PTPRD: variants seen among roughly 807,000 people sequenced by gnomAD.
The protein encoded by PTPRD is receptor-type tyrosine-protein phosphatase delta.
A neutral mutation model predicts 214.5 loss-of-function variants in PTPRD; 34 were observed. The ratio of observed to expected loss-of-function variants is 0.16; its 90% CI spans 0.12 to 0.21. The LOEUF (loss-of-function observed/expected upper bound fraction) is 0.21. Among genes scored for constraint, PTPRD ranks in the 10% least tolerant of loss-of-function variants. The pLI is 1.00. For synonymous variants in PTPRD, 1,128 were observed against 845.7 expected, an observed-to-expected ratio of 1.33 and a Z score of -5.79; for missense variants, 2,545 against 2,398.7, an observed-to-expected ratio of 1.06 and a Z score of -1.27.
chr9:10,352,872 C>A (rs2097205987), intron 2 of PTPRD, among the ~76,000 whole-genome samples: 1 of 151,818 alleles, frequency 6.6e-6, no homozygotes, highest in South Asian at 2.1e-4. Context: ...CCTCTCTGCC[C>A]CTCTTTAAGC....
intron 35 of PTPRD, among the ~76,000 whole-genome samples, chr9:8,431,038 A>C (rs988800699): frequency 6.6e-6 from 1 of 152,188 alleles, no homozygotes; most frequent in Non-Finnish European, 1.5e-5. Context: ...GATAATTATT[A>C]GTTCCTCCTC....
intron 8 of PTPRD, among the ~76,000 whole-genome samples, chr9:9,423,660 C>G (rs922122367): frequency 1.3e-5 from 2 of 152,086 alleles, no homozygotes; most frequent in African/African-American, 4.8e-5. Context: ...ACAGAGATAA[C>G]TGCATCAGAG....
chr9:10,143,673 G>A (rs2099003033), intron 3 of PTPRD, among the ~76,000 whole-genome samples: 1 of 152,008 alleles, frequency 6.6e-6, no homozygotes, highest in Non-Finnish European at 1.5e-5. Context: ...CATCAACAGT[G>A]GGTTGCATAA....
At chr9:10,576,688 G>A (rs1313881353) in intron 2 of PTPRD, among the ~76,000 whole-genome samples, 1 of 152,034 alleles carries the variant, frequency 6.6e-6, no homozygotes, top group Non-Finnish European at 1.5e-5. Context: ...AATAGAACCA[G>A]TGTCACAGTA....
chr9:9,583,545 C>T (rs928688018), intron 7 of PTPRD, among the ~76,000 whole-genome samples: 1 of 151,942 alleles, frequency 6.6e-6, no homozygotes, highest in African/African-American at 2.4e-5. Context: ...AATAATAATG[C>T]TCATCATAAA....
intron 9 of PTPRD, among the ~76,000 whole-genome samples, chr9:9,269,185 T>C (rs1205194257): frequency 6.6e-6 from 1 of 151,386 alleles, no homozygotes; most frequent in African/African-American, 2.4e-5. Flanking sequence ...AATAACCTTA[T>C]TTAAAAAATT....
rs183979514 is a variant in PTPRD, at chr9:9,587,827, G to A, written c.-286-13046C>T. On this transcript the variant is annotated intron_variant, in intron 7 of 45. Coordinates refer to ENST00000381196, the MANE Select transcript of PTPRD (RefSeq NM_002839.4). ...AATTGATCTCATAGAGAATAGAATG[G>A]TAAATAGTAGGGACTGGGATGGGTT... Among the ~76,000 whole-genome samples, 324 of 152,098 alleles carry A rather than the reference G, an allele frequency of 2.1e-3. 1 individual carries two copies. The highest frequency in any genetic ancestry group is 7.5e-3 in the African/African-American group (311 of 41,530).
At chr9:9,675,121 G>T (rs60114022) in intron 7 of PTPRD, among the ~76,000 whole-genome samples, 1 of 151,896 alleles carries the variant, frequency 6.6e-6, no homozygotes. Flanking sequence ...ACAATCTGAT[G>T]GCAATTACAT....
chr9:9,129,738 G>C (rs148519137), intron 10 of PTPRD, among the ~76,000 whole-genome samples: 1 of 152,152 alleles, frequency 6.6e-6, no homozygotes, highest in African/African-American at 2.4e-5. Flanking sequence ...TTATTTAACT[G>C]GAATATACTG....
intron 11 of PTPRD, among the ~76,000 whole-genome samples, chr9:8,756,747 T>G (rs1450421487): frequency 6.6e-6 from 1 of 152,106 alleles, no homozygotes; most frequent in Admixed American, 6.6e-5. Context: ...TTTTCTTTCT[T>G]TAAATATTAA....
chr9:10,269,488 C>A (rs2154381613), intron 3 of PTPRD, among the ~76,000 whole-genome samples: 1 of 152,164 alleles, frequency 6.6e-6, no homozygotes, highest in East Asian at 1.9e-4. Flanking sequence ...CATCATTATA[C>A]AACCACCTGA....
At chr9:9,097,387 T>C (rs2099785034) in intron 10 of PTPRD, among the ~76,000 whole-genome samples, 1 of 150,942 alleles carries the variant, frequency 6.6e-6, no homozygotes, top group African/African-American at 2.4e-5. Context: ...CACAGGTTAG[T>C]AGCACACCAT....
At position 10,405,190 on chromosome 9, in the gene PTPRD, T is replaced by C. The variant is rs188577663; in HGVS notation, c.-599-64173A>G. 3.2e-3 allele frequency among the ~76,000 whole-genome samples: 492 copies of C among 151,780 alleles called. 1 individual carries two copies. The highest frequency in any genetic ancestry group is 0.01 in the Middle Eastern group (3 of 294). On this transcript the variant is annotated intron_variant, in intron 2 of 45. Coordinates refer to ENST00000381196, the MANE Select transcript of PTPRD (RefSeq NM_002839.4). ...AAAGGAACTGGGGTCAGCTCTTAGA[T>C]AGATTCATGTCAAAATGCCAGACCA...
rs145683897 is a variant in PTPRD, at chr9:8,941,963, G to A, written c.-104+76734C>T. 7.2e-5 allele frequency among the ~76,000 whole-genome samples: 11 copies of A among 152,154 alleles called. No individual in the cohort carries two copies. The East Asian group carries it at 2.1e-3, about 30-fold the overall frequency. ...TGGGATTACAGGCGCCCACTACCAT[G>A]CCCAGCTAATTTTTGTATTTTTACT... On this transcript the variant is annotated intron_variant, in intron 11 of 45. Coordinates refer to ENST00000381196, the MANE Select transcript of PTPRD (RefSeq NM_002839.4).
At chr9:9,732,250 C>T (rs181981373) in intron 7 of PTPRD, among the ~76,000 whole-genome samples, 19 of 152,104 alleles carry the variant, frequency 1.2e-4, no homozygotes, top group African/African-American at 4.3e-4. Flanking sequence ...AGAAAGATTG[C>T]TTTTGGATAA....
intron 2 of PTPRD, among the ~76,000 whole-genome samples, chr9:10,607,836 T>G (rs2079868908): frequency 6.6e-6 from 1 of 152,020 alleles, no homozygotes; most frequent in Non-Finnish European, 1.5e-5. Context: ...TTGGAAGTTT[T>G]GTTATTACAT....
intron 23 of PTPRD, 134 bp from the exon 24 acceptor site, chr9:8,501,193 A>C (rs2097397777): frequency 4.4e-6 from 3 of 681,808 alleles, no homozygotes; most frequent in Non-Finnish European, 7.2e-6. Flanking sequence ...AAGGCTTTGA[A>C]ACTTAAATTC....
intron 7 of PTPRD, among the ~76,000 whole-genome samples, chr9:9,716,319 T>C (rs1488279287): frequency 6.6e-6 from 1 of 151,880 alleles, no homozygotes. Context: ...AACATACGTG[T>C]GCATGTGTCT....
intron 7 of PTPRD, among the ~76,000 whole-genome samples, chr9:9,647,639 C>T (rs1425692852): frequency 6.6e-6 from 1 of 152,092 alleles, no homozygotes; most frequent in Non-Finnish European, 1.5e-5. Flanking sequence ...GCCTGTTTTC[C>T]CTTTGACTCA....
Sources: gnomAD v4.1 joint callset for allele counts (sites outside exome capture counted in the v4.1 genomes callset) on GRCh38, gnomAD v4.1.1 for gene constraint, MANE v1.5 for transcripts, NCBI Gene and HGNC (gene_info 2026-07-23, HGNC 2026-07-21) for gene names.